The following ADTRP variants were observed in gnomAD, a reference collection of about 807,000 sequenced individuals.
The protein encoded by ADTRP is androgen dependent TFPI regulating protein, also known as androgen-dependent TFPI-regulating protein.
In ADTRP, 20 loss-of-function variants were observed where a neutral mutation model predicts 27.0. The observed-to-expected ratio is 0.74, with a 90% CI of 0.52 to 1.08. ADTRP has a LOEUF of 1.08. Ranked by LOEUF, ADTRP falls within the 50% of genes least tolerant of loss-of-function variation. The pLI is 0.00. For missense variants in ADTRP, 251 were observed against 275.0 expected, an observed-to-expected ratio of 0.91 and a Z score of 0.62; for synonymous variants, 101 against 105.2, an observed-to-expected ratio of 0.96 and a Z score of 0.25.
At position 11,770,011 on chromosome 6, in the gene ADTRP, T is replaced by C. The variant is rs191889833; in HGVS notation, c.154-1628A>G. On this transcript the variant is annotated intron_variant, in intron 1 of 5. Coordinates refer to ENST00000414691, the MANE Select transcript of ADTRP (RefSeq NM_032744.4). Reference sequence around the variant, plus strand: ...TTAGACTCCCCCGCCCACCACCATTTTACAAACGAGGAAACAAACCTGCCT... The same window carrying C: ...TTAGACTCCCCCGCCCACCACCATTCTACAAACGAGGAAACAAACCTGCCT... The C allele has an allele frequency of 6.2e-5, 96 of 1,551,586 alleles. 1 individual carries two copies. The East Asian group carries it at 2.2e-3, about 35-fold the overall frequency.
chr6:11,723,543 AAAAC>A, intron 4 of ADTRP, 43 bp from the exon 5 acceptor site: 1 of 1,605,450 alleles, frequency 6.2e-7, no homozygotes, highest in Non-Finnish European at 8.5e-7. Context: ...CAGGAGGAGA[AAAAC>A]AAGCCATTTT....
intron 1 of ADTRP, among the ~76,000 whole-genome samples, chr6:11,770,764 GAGA>G (rs766549879): frequency 2.3e-4 from 35 of 152,120 alleles, no homozygotes; most frequent in Non-Finnish European, 4.4e-4. Flanking sequence ...AGGGAGTTGG[GAGA>G]AGTTCCCTCC....
At chr6:11,717,378 G>A (rs1188274684) in intron 5 of ADTRP, 2 of 1,304,206 alleles carry the variant, frequency 1.5e-6, no homozygotes, top group East Asian at 5.5e-5. Context: ...GATTCCAACA[G>A]ATTCTAGCCT....
Position 11,768,355 on chromosome 6 carries a change from G to A in ADTRP, c.182C>T (p.Thr61Ile), listed in dbSNP as rs1409608038. The A allele has an allele frequency of 1.2e-6, 2 of 1,614,184 alleles. No individual in the cohort carries two copies. Among genetic ancestry groups the A allele is most frequent in the Admixed American group, 1.7e-5 (1 of 60,024 alleles). ...LLLQTIFYGV[T>I]CLDDVLKRTK... ...TCTTTTCAGCACATCATCCAGGCAGGTGACCCCGTAGAAAATGGTCTGCAA... is the reference window on the plus strand; with the variant it reads ...TCTTTTCAGCACATCATCCAGGCAGATGACCCCGTAGAAAATGGTCTGCAA... The change falls in exon 2 of 6, where the codon ACC (threonine) becomes ATC (isoleucine). Residue 61 changes from threonine (T) to isoleucine (I), a missense_variant. Physicochemically the swap from Thr to Ile is moderately conservative, Grantham distance 89. Coordinates refer to ENST00000414691, the MANE Select transcript of ADTRP (RefSeq NM_032744.4).
chr6:11,767,185 G>T (rs777789342), intron 2 of ADTRP, among the ~76,000 whole-genome samples: 1 of 152,074 alleles, frequency 6.6e-6, no homozygotes, highest in Non-Finnish European at 1.5e-5. Flanking sequence ...CAGCCTGGGC[G>T]ACATGGCAAA....
At chr6:11,716,716 T>TTTCTTTTTC (rs1554110531) in intron 5 of ADTRP, among the ~76,000 whole-genome samples, 1 of 58,518 alleles carries the variant, frequency 1.7e-5, no homozygotes. Flanking sequence ...TCTTTTTCTT[T>TTTCTTTTTC]TTCTTTTTTT....
In ADTRP at chr6:11,778,599, G is replaced by A; in HGVS notation, c.153+8C>T. The A allele has an allele frequency of 6.2e-7, 1 of 1,613,876 alleles. No homozygotes were observed. Among genetic ancestry groups the A allele is most frequent in the Non-Finnish European group, 8.5e-7 (1 of 1,179,844 alleles). On this transcript the variant is annotated splice_region_variant and intron_variant, in intron 1 of 5. Coordinates refer to ENST00000414691, the MANE Select transcript of ADTRP (RefSeq NM_032744.4). ...GGATCGGTTCCTGGTACGGACATAT[G>A]GACTTACCAGATTAAGCAGCGTCAT... is the stretch of plus-strand genomic sequence containing the variant.
chr6:11,757,198 G>A (rs1405206990), intron 3 of ADTRP, among the ~76,000 whole-genome samples: 3 of 152,182 alleles, frequency 2.0e-5, no homozygotes, highest in African/African-American at 7.2e-5. Context: ...AATTCAGGGA[G>A]AGCTTTTGAT....
At chr6:11,761,709 T>C (rs1165125758) in intron 3 of ADTRP, among the ~76,000 whole-genome samples, 1 of 152,228 alleles carries the variant, frequency 6.6e-6, no homozygotes, top group Non-Finnish European at 1.5e-5. Context: ...TGTTCAGTTA[T>C]GTCAGGTGTT....
In ADTRP at chr6:11,770,197, A is replaced by G. The variant is rs1319652036; in HGVS notation, c.154-1814T>C. 1.5e-5 allele frequency: 15 copies of G among 971,318 alleles called. No individual in the cohort carries two copies. In the South Asian group the frequency reaches 2.0e-4, roughly 13 times the overall value. The allele number at this position is 971,318 out of a possible 1,614,324, so 60.2% of individuals were successfully genotyped here. On this transcript the variant is annotated intron_variant, in intron 1 of 5. Transcript: ENST00000414691. Reference sequence around the variant, plus strand: ...TCTCCAGGTGGGAGAATGAACGACCACTTCACAAACCACCGCTGCCTGGTT... The same window carrying G: ...TCTCCAGGTGGGAGAATGAACGACCGCTTCACAAACCACCGCTGCCTGGTT...
intron 4 of ADTRP, 84 bp downstream of exon 4, chr6:11,735,484 C>G: frequency 1.1e-6 from 1 of 917,696 alleles, no homozygotes; most frequent in Non-Finnish European, 1.7e-6. Context: ...TAAAGGGATT[C>G]TGACAGAACA....
intron 1 of ADTRP, among the ~76,000 whole-genome samples, chr6:11,774,556 C>T (rs538612078): frequency 4.0e-5 from 6 of 151,534 alleles, no homozygotes; most frequent in East Asian, 3.9e-4. Context: ...AGGGTGATGA[C>T]GACGGAGCTG....
intron 1 of ADTRP, among the ~76,000 whole-genome samples, chr6:11,775,340 T>C (rs1195039654): frequency 6.6e-6 from 1 of 152,028 alleles, no homozygotes; most frequent in Non-Finnish European, 1.5e-5. Flanking sequence ...TTCCCACCTG[T>C]CAGATCATTT....
chr6:11,733,208 C>T (rs1379962343), intron 4 of ADTRP, among the ~76,000 whole-genome samples: 1 of 152,268 alleles, frequency 6.6e-6, no homozygotes, highest in Non-Finnish European at 1.5e-5. Flanking sequence ...ATGCCACCAA[C>T]TGGTCTACCT....
intron 3 of ADTRP, among the ~76,000 whole-genome samples, chr6:11,749,526 A>G (rs1762973329): frequency 6.6e-6 from 1 of 152,046 alleles, no homozygotes; most frequent in Admixed American, 6.6e-5. Context: ...GCATTAGCAA[A>G]GCAGAGGTCC....
intron 3 of ADTRP, among the ~76,000 whole-genome samples, chr6:11,763,587 G>C (rs1158788959): frequency 6.6e-6 from 1 of 152,196 alleles, no homozygotes. Context: ...TGCCATAGTG[G>C]TGATTTCCCA....
chr6:11,744,195 C>T (rs960436049), intron 3 of ADTRP, among the ~76,000 whole-genome samples: 4 of 152,192 alleles, frequency 2.6e-5, no homozygotes, highest in Non-Finnish European at 4.4e-5. Context: ...TTCCATGTGA[C>T]ATGACATCTC....
At chr6:11,738,502 C>T (rs974926460) in intron 3 of ADTRP, 3 of 152,254 alleles carry the variant, frequency 2.0e-5, no homozygotes, top group Admixed American at 2.0e-4. Context: ...GAAGATCCAA[C>T]CTCTATTAAA....
At chr6:11,770,555 T>C (rs1444325151) in intron 1 of ADTRP, among the ~76,000 whole-genome samples, 2 of 151,180 alleles carry the variant, frequency 1.3e-5, no homozygotes, top group African/African-American at 4.9e-5. Flanking sequence ...CGGCCGGGGG[T>C]AGAAGAGCCA....
Sources: gnomAD v4.1 joint callset for allele counts (sites outside exome capture counted in the v4.1 genomes callset) on GRCh38, gnomAD v4.1.1 for gene constraint, MANE v1.5 for transcripts, NCBI Gene and HGNC (gene_info 2026-07-23, HGNC 2026-07-21) for gene names.